Variants in MFHAS1 observed in about 807,000 individuals in gnomAD.
MFHAS1 encodes the protein malignant fibrous histiocytoma-amplified sequence 1.
In MFHAS1, 50 loss-of-function variants were observed where a neutral mutation model predicts 70.4. That is an observed-to-expected ratio of 0.71 (90% CI 0.57 to 0.90). MFHAS1 has a LOEUF of 0.90. Among genes scored for constraint, MFHAS1 ranks in the 40% least tolerant of loss-of-function variants. The pLI is 0.00. For missense variants in MFHAS1, 1,795 were observed against 1,347.6 expected (o/e 1.33, Z -5.20); for synonymous variants, 952 against 620.0 (o/e 1.54, Z -7.96).
intron 1 of MFHAS1, among the ~76,000 whole-genome samples, chr8:8,863,546 T>C (rs988813834): frequency 1.3e-5 from 2 of 152,210 alleles, no homozygotes; most frequent in Admixed American, 6.5e-5. Flanking sequence ...CCACTGGCCA[T>C]AACCCCTTGC....
chr8:8,805,321 T>G (rs1233323940), intron 1 of MFHAS1, among the ~76,000 whole-genome samples: 1 of 152,248 alleles, frequency 6.6e-6, no homozygotes, highest in African/African-American at 2.4e-5. Context: ...AAGCCTACTG[T>G]TGACTGGAAG....
intron 1 of MFHAS1, among the ~76,000 whole-genome samples, chr8:8,836,077 T>C (rs1261921894): frequency 6.6e-6 from 1 of 152,146 alleles, no homozygotes; most frequent in East Asian, 1.9e-4. Flanking sequence ...TCTGTTGACC[T>C]AAAACAACAT....
At chr8:8,828,593 C>T (rs1316112271) in intron 1 of MFHAS1, among the ~76,000 whole-genome samples, 1 of 152,198 alleles carries the variant, frequency 6.6e-6, no homozygotes, top group African/African-American at 2.4e-5. Flanking sequence ...AGGGGAATAT[C>T]AACTAGACCA....
intron 2 of MFHAS1, among the ~76,000 whole-genome samples, chr8:8,787,226 G>A (rs1805579135): frequency 6.6e-6 from 1 of 151,954 alleles, no homozygotes; most frequent in Non-Finnish European, 1.5e-5. Flanking sequence ...GACTACATGT[G>A]CCCGCCACCA....
chr8:8,887,859 C>CAA (rs11300082), intron 1 of MFHAS1, among the ~76,000 whole-genome samples: 5 of 95,446 alleles, frequency 5.2e-5, no homozygotes, highest in Admixed American at 2.4e-4. Flanking sequence ...GCAAAAAAAA[C>CAA]AAAAAAAAAA....
chr8:8,838,441 T>A (rs1807686043), intron 1 of MFHAS1, among the ~76,000 whole-genome samples: 1 of 152,248 alleles, frequency 6.6e-6, no homozygotes, highest in Admixed American at 6.5e-5. Flanking sequence ...TGCTGTGTTT[T>A]CATATTGAAA....
In MFHAS1 at chr8:8,891,202, C is replaced by A. The variant is rs1810010011; in HGVS notation, c.1857G>T (p.Gln619His). ...TAACAGGCAACACGGGGGAGAGGAT[C>A]TGCAGCCGGTGGTTGAGCAGGTATT... ...HFQYLLNHRLQILSPVLPVSC... is the reference protein window; with the variant it reads ...HFQYLLNHRLHILSPVLPVSC... Residue 619 changes from glutamine to histidine, a missense_variant, in exon 1 of 3, where the codon CAG becomes CAT. Physicochemically the swap from Gln to His is conservative, Grantham distance 24. Coordinates refer to ENST00000276282, the MANE Select transcript of MFHAS1 (RefSeq NM_004225.3). This position sits in a 1 kb window ranked among gnomAD's most constrained non-coding sequence, Gnocchi z 5.4. 1 of 1,612,876 alleles carries A rather than the reference C, an allele frequency of 6.2e-7. No homozygotes were observed. The highest frequency in any genetic ancestry group is 8.5e-7 in the Non-Finnish European group (1 of 1,180,048).
At chr8:8,832,776 A>G (rs1807453791) in intron 1 of MFHAS1, among the ~76,000 whole-genome samples, 1 of 152,008 alleles carries the variant, frequency 6.6e-6, no homozygotes, top group Non-Finnish European at 1.5e-5. Flanking sequence ...CTACAGGCAC[A>G]TGCCATTACT....
At chr8:8,859,950 TCAAA>T (rs1808599805) in intron 1 of MFHAS1, 2 of 152,168 alleles carry the variant, frequency 1.3e-5, no homozygotes, top group South Asian at 4.1e-4. Flanking sequence ...AAGTGGCAGT[TCAAA>T]CAAATTAAAA....
chr8:8,832,054 GCGCGCGCGCA>G (rs1191836900), intron 1 of MFHAS1, among the ~76,000 whole-genome samples: 4 of 112,602 alleles, frequency 3.6e-5, no homozygotes, highest in South Asian at 2.6e-4. Context: ...ATGCACGCGC[GCGCGCGCGCA>G]CACACACACA....
chr8:8,785,980 A>G lies in MFHAS1; in HGVS notation c.*42T>C. On this transcript the variant is annotated 3_prime_UTR_variant, in exon 3 of 3. Transcript: ENST00000276282. ...GGTGCAAAAGATGGTCCAGGTGTTC[A>G]GATGCTCTCTTTTCTCCATGGAAAT... The G allele has an allele frequency of 1.9e-6, 3 of 1,608,748 alleles. No homozygotes were observed. The highest frequency in any genetic ancestry group is 2.6e-6 in the Non-Finnish European group (3 of 1,175,232).
chr8:8,794,547 T>G (rs1385754008), intron 2 of MFHAS1, among the ~76,000 whole-genome samples: 2 of 152,180 alleles, frequency 1.3e-5, no homozygotes, highest in African/African-American at 4.8e-5. Context: ...AGCACAGGCT[T>G]CACATCTACG....
At chr8:8,801,598 AT>A (rs760150727) in intron 1 of MFHAS1, among the ~76,000 whole-genome samples, 1 of 152,256 alleles carries the variant, frequency 6.6e-6, no homozygotes, top group Non-Finnish European at 1.5e-5. Context: ...TAACTCACAT[AT>A]GAAGAATGGT....
At chr8:8,835,988 G>A (rs1408699494) in intron 1 of MFHAS1, among the ~76,000 whole-genome samples, 1 of 152,192 alleles carries the variant, frequency 6.6e-6, no homozygotes, top group South Asian at 2.1e-4. Context: ...TGCCACACAG[G>A]CTATAGCCTG....
At chr8:8,840,255 C>A (rs1390345554) in intron 1 of MFHAS1, among the ~76,000 whole-genome samples, 4 of 152,048 alleles carry the variant, frequency 2.6e-5, no homozygotes, top group Non-Finnish European at 5.9e-5. Context: ...TCAGGAGTTT[C>A]AGGCTAGCCT....
chr8:8,891,588 A>G lies in MFHAS1; in HGVS notation c.1471T>C (p.Phe491Leu). Residue 491 changes from phenylalanine (F) to leucine (L), a missense_variant, in exon 1 of 3, where the codon TTC becomes CTC. Coordinates refer to ENST00000276282, the MANE Select transcript of MFHAS1 (RefSeq NM_004225.3). This position sits in a 1 kb window ranked among gnomAD's most constrained non-coding sequence, Gnocchi z 5.4. The part of the protein sequence containing the change: ...DESYEVIQPF[F>L]LSPGALYVLV... ...ACGTATAGGGCCCCTGGGGACAGGA[A>G]GAAGGGCTGGATCACCTCATAACTT... The G allele has an allele frequency of 1.2e-6, 2 of 1,613,272 alleles. No individual in the cohort carries two copies. The highest frequency in any genetic ancestry group is 4.5e-5 in the East Asian group (2 of 44,892).
intron 1 of MFHAS1, among the ~76,000 whole-genome samples, chr8:8,847,169 G>A (rs982778329): frequency 2.0e-5 from 3 of 152,106 alleles, no homozygotes; most frequent in Non-Finnish European, 4.4e-5. Flanking sequence ...ATACTCGCTA[G>A]TTAGAAATAT....
At chr8:8,786,935 G>GCAAAA (rs368135873) in intron 2 of MFHAS1, among the ~76,000 whole-genome samples, 97 of 151,738 alleles carry the variant, frequency 6.4e-4, no homozygotes, top group African/African-American at 1.9e-3. Context: ...GCAAAGCAAA[G>GCAAAA]CAAAACAAAA....
At chr8:8,844,516 G>A (rs1036725606) in intron 1 of MFHAS1, among the ~76,000 whole-genome samples, 1 of 152,162 alleles carries the variant, frequency 6.6e-6, no homozygotes, top group African/African-American at 2.4e-5. Context: ...CTTCTTATCT[G>A]AAAAGATCTA....
Sources: allele counts gnomAD v4.1 joint callset (sites outside exome capture counted in the v4.1 genomes callset), GRCh38; gene constraint gnomAD v4.1.1; non-coding constraint Gnocchi (gnomAD v3.1); transcripts MANE v1.5; gene names NCBI Gene and HGNC (gene_info 2026-07-23, HGNC 2026-07-21).